The following DPP10 variants were observed in gnomAD, a reference collection of about 807,000 sequenced individuals.
DPP10 encodes dipeptidyl peptidase like 10.
DPP10 carries 33 observed loss-of-function variants against 120.9 expected under a neutral mutation model. The observed-to-expected ratio is 0.27, with a 90% confidence interval of 0.21 to 0.37. The LOEUF is 0.37. Among genes scored for constraint, DPP10 ranks in the 10% least tolerant of loss-of-function variants. The pLI, the probability that DPP10 is intolerant of heterozygous loss-of-function variation, is 1.00. For missense variants in DPP10, 816 were observed against 942.8 expected, an observed-to-expected ratio of 0.87 and a Z score of 1.76; for synonymous variants, 337 against 326.1, an observed-to-expected ratio of 1.03 and a Z score of -0.36.
intron 1 of DPP10, among the ~76,000 whole-genome samples, chr2:114,534,298 T>A (rs1686303338): frequency 6.6e-6 from 1 of 152,192 alleles, no homozygotes; most frequent in Non-Finnish European, 1.5e-5. Flanking sequence ...CTTTGTTCTG[T>A]TTGTCCTTTG....
intron 5 of DPP10, among the ~76,000 whole-genome samples, chr2:115,565,790 T>G (rs1327767859): frequency 6.9e-5 from 10 of 144,022 alleles, no homozygotes; most frequent in East Asian, 2.0e-4. Context: ...TTTTTTTTTG[T>G]TTTTTTTTTT....
intron 1 of DPP10, among the ~76,000 whole-genome samples, chr2:114,917,389 T>A (rs896730762): frequency 2.0e-5 from 3 of 152,062 alleles, no homozygotes; most frequent in African/African-American, 7.2e-5. Flanking sequence ...TTGTCATACT[T>A]CCAACAGCAA....
intron 1 of DPP10, among the ~76,000 whole-genome samples, chr2:114,845,644 A>G (rs1438706963): frequency 6.6e-6 from 1 of 152,180 alleles, no homozygotes; most frequent in Non-Finnish European, 1.5e-5. Flanking sequence ...GCTGGATGGC[A>G]TGTGAACCAC....
chr2:115,083,735 A>G (rs1402845477), intron 1 of DPP10, among the ~76,000 whole-genome samples: 1 of 152,210 alleles, frequency 6.6e-6, no homozygotes. Flanking sequence ...TTGCTACCAC[A>G]ATTTTTGTCT....
At chr2:115,017,602 G>A (rs561988925) in intron 1 of DPP10, among the ~76,000 whole-genome samples, 3 of 152,158 alleles carry the variant, frequency 2.0e-5, no homozygotes, top group Admixed American at 6.5e-5. Context: ...TGGAACCAAC[G>A]CAAACGTCCA....
intron 1 of DPP10, among the ~76,000 whole-genome samples, chr2:114,927,345 A>C: frequency 6.6e-6 from 1 of 151,712 alleles, no homozygotes; most frequent in Non-Finnish European, 1.5e-5. Context: ...GGTTGAGGAC[A>C]TGTCCATGAC....
At chr2:115,672,116 G>T (rs2089922802) in intron 5 of DPP10, among the ~76,000 whole-genome samples, 2 of 152,080 alleles carry the variant, frequency 1.3e-5, no homozygotes, top group African/African-American at 4.8e-5. Flanking sequence ...ATAACTAGTG[G>T]AATGTTGAAA....
intron 1 of DPP10, among the ~76,000 whole-genome samples, chr2:114,604,837 C>T (rs1692659329): frequency 6.6e-6 from 1 of 151,922 alleles, no homozygotes; most frequent in South Asian, 2.1e-4. Context: ...TTTCTTTAAT[C>T]TTTGTTTTGT....
chr2:115,714,511 T>C (rs986025759), intron 7 of DPP10, among the ~76,000 whole-genome samples: 1 of 152,194 alleles, frequency 6.6e-6, no homozygotes, highest in Non-Finnish European at 1.5e-5. Context: ...AGAAAGTGTC[T>C]CCCTCTTATC....
chr2:114,507,871 A>G (rs1317338398), intron 1 of DPP10, among the ~76,000 whole-genome samples: 1 of 152,238 alleles, frequency 6.6e-6, no homozygotes, highest in Non-Finnish European at 1.5e-5. Flanking sequence ...CCACATGGTA[A>G]TTGCTCAATA....
At chr2:115,475,746 CT>C (rs1217796636) in intron 3 of DPP10, among the ~76,000 whole-genome samples, 1 of 152,194 alleles carries the variant, frequency 6.6e-6, no homozygotes, top group Non-Finnish European at 1.5e-5. Context: ...GGGAGCCCTC[CT>C]TTTGCGTCAG....
intron 1 of DPP10, among the ~76,000 whole-genome samples, chr2:114,477,478 C>T (rs1354762504): frequency 6.6e-6 from 1 of 150,644 alleles, no homozygotes; most frequent in East Asian, 2.0e-4. Flanking sequence ...TATACACATA[C>T]ATACACATAT....
intron 1 of DPP10, among the ~76,000 whole-genome samples, chr2:114,912,242 C>T (rs975376858): frequency 9.2e-5 from 14 of 151,952 alleles, no homozygotes; most frequent in South Asian, 2.1e-4. Flanking sequence ...ATTTTCTCTC[C>T]ATTTCTCAGG....
chr2:115,231,039 G>A (rs1025497081), intron 1 of DPP10, among the ~76,000 whole-genome samples: 1 of 151,768 alleles, frequency 6.6e-6, no homozygotes, highest in Non-Finnish European at 1.5e-5. Context: ...AAAAAAAAGA[G>A]GAAAGAAAAA....
chr2:115,051,689 T>TA (rs1368110771), intron 1 of DPP10, among the ~76,000 whole-genome samples: 1 of 152,114 alleles, frequency 6.6e-6, no homozygotes, highest in Non-Finnish European at 1.5e-5. Flanking sequence ...ACACACAATA[T>TA]AAAAAGACAA....
intron 1 of DPP10, among the ~76,000 whole-genome samples, chr2:115,070,654 T>G (rs1241189180): frequency 6.6e-6 from 1 of 152,190 alleles, no homozygotes. Context: ...TAGTATATGA[T>G]GTACTATATA....
At chr2:114,949,341 T>G (rs1299646375) in intron 1 of DPP10, among the ~76,000 whole-genome samples, 1 of 152,026 alleles carries the variant, frequency 6.6e-6, no homozygotes, top group African/African-American at 2.4e-5. Flanking sequence ...CCCTGACCCA[T>G]GGGGATTACA....
chr2:114,685,818 G>A (rs1196298223), intron 1 of DPP10, among the ~76,000 whole-genome samples: 3 of 151,802 alleles, frequency 2.0e-5, no homozygotes, highest in Admixed American at 2.0e-4. Flanking sequence ...TTCCTTGTCC[G>A]TGTGATCACA....
chr2:115,520,948 C>T (rs1308871223), intron 4 of DPP10, among the ~76,000 whole-genome samples: 1 of 152,198 alleles, frequency 6.6e-6, no homozygotes, highest in East Asian at 1.9e-4. Flanking sequence ...TTCCAAACAA[C>T]CTAGAAGTGC....
Sources: gnomAD v4.1 joint callset for allele counts (sites outside exome capture counted in the v4.1 genomes callset) on GRCh38, gnomAD v4.1.1 for gene constraint, MANE v1.5 for transcripts, NCBI Gene and HGNC (gene_info 2026-07-23, HGNC 2026-07-21) for gene names.